The following CADPS variants were observed in gnomAD, a reference collection of about 807,000 sequenced individuals.
CADPS encodes calcium-dependent secretion activator 1.
CADPS carries 57 observed loss-of-function variants against 167.3 expected under a neutral mutation model. The observed-to-expected ratio is 0.34, with a 90% CI of 0.28 to 0.42. The LOEUF is 0.42. Among genes scored for constraint, CADPS ranks in the 20% least tolerant of loss-of-function variants. The probability of loss-of-function intolerance (pLI) is 1.00; values close to 1 mark genes in which losing one functional copy is unlikely to be tolerated. For synonymous variants in CADPS, 676 were observed against 635.3 expected (o/e 1.06, Z -0.96); for missense variants, 1,414 against 1,738.1 (o/e 0.81, Z 3.32).
chr3:62,627,004 C>T (rs2064212443), intron 6 of CADPS, among the ~76,000 whole-genome samples: 1 of 152,050 alleles, frequency 6.6e-6, no homozygotes, highest in Non-Finnish European at 1.5e-5. Flanking sequence ...TAATTCTTTT[C>T]AAAGCCATAT....
intron 3 of CADPS, among the ~76,000 whole-genome samples, chr3:62,713,101 T>G (rs896146528): frequency 4.6e-5 from 7 of 152,230 alleles, no homozygotes; most frequent in Non-Finnish European, 8.8e-5. Flanking sequence ...CTGACTACAA[T>G]TTGCTGAGCT....
At chr3:62,717,763 C>T (rs1325113417) in intron 3 of CADPS, among the ~76,000 whole-genome samples, 1 of 152,158 alleles carries the variant, frequency 6.6e-6, no homozygotes, top group Admixed American at 6.5e-5. Context: ...TAAATGAAAT[C>T]CTATTACCAT....
At chr3:62,474,880 G>A (rs1356339065) in intron 23 of CADPS, among the ~76,000 whole-genome samples, 7 of 151,998 alleles carry the variant, frequency 4.6e-5, no homozygotes, top group Non-Finnish European at 8.8e-5. Flanking sequence ...AATTTATTTT[G>A]CTTGTTAAAG....
At chr3:62,816,914 C>A (rs575956454) in intron 1 of CADPS, among the ~76,000 whole-genome samples, 2 of 152,110 alleles carry the variant, frequency 1.3e-5, no homozygotes, top group African/African-American at 2.4e-5. Flanking sequence ...CCTCCTCCTC[C>A]TCATCAAAAT....
Position 62,645,748 on chromosome 3 carries a change from A to G in CADPS, c.1299T>C (p.Thr433=), listed in dbSNP as rs1266731534. 1 of 1,614,052 alleles carries G rather than the reference A, an allele frequency of 6.2e-7. No individual in the cohort carries two copies. Among genetic ancestry groups the G allele is most frequent in the Non-Finnish European group, 8.5e-7 (1 of 1,179,992 alleles). Residue 433 remains threonine (T), a synonymous_variant, in exon 6 of 30, where the codon ACT becomes ACC. Coordinates refer to ENST00000383710, the MANE Select transcript of CADPS (RefSeq NM_003716.4). ...MEVEGGEKLQ[T]DQAEASKPTW... The stretch of plus-strand genomic sequence containing the variant: ...TTGGTTTAGAAGCCTCGGCCTGATC[A>G]GTCTGTAGTTTCTCTCCTCCTTCCA...
At chr3:62,540,069 C>A (rs2075431623) in intron 11 of CADPS, among the ~76,000 whole-genome samples, 1 of 152,146 alleles carries the variant, frequency 6.6e-6, no homozygotes, top group Non-Finnish European at 1.5e-5. Context: ...TAAACATTAG[C>A]TAGGAGTAAA....
intron 1 of CADPS, among the ~76,000 whole-genome samples, chr3:62,870,516 A>G (rs1214736596): frequency 6.6e-6 from 1 of 152,174 alleles, no homozygotes; most frequent in Admixed American, 6.6e-5. Context: ...ATGACTCAAC[A>G]TTAGCCATCA....
chr3:62,451,979 G>T (rs1333968458), intron 26 of CADPS, among the ~76,000 whole-genome samples: 1 of 152,100 alleles, frequency 6.6e-6, no homozygotes, highest in Non-Finnish European at 1.5e-5. Flanking sequence ...CTCATATCTA[G>T]AATGTAGGTG....
chr3:62,480,713 G>A (rs1576602918), intron 22 of CADPS, among the ~76,000 whole-genome samples: 1 of 152,198 alleles, frequency 6.6e-6, no homozygotes, highest in East Asian at 1.9e-4. Flanking sequence ...TTGAAAACGT[G>A]CCAATTTATT....
chr3:62,706,976 C>T (rs895256433), intron 3 of CADPS, among the ~76,000 whole-genome samples: 2 of 152,116 alleles, frequency 1.3e-5, no homozygotes, highest in Non-Finnish European at 2.9e-5. Context: ...AACTGCATTT[C>T]TACCCCTTAC....
At chr3:62,453,314 G>A (rs2058302378) in intron 26 of CADPS, among the ~76,000 whole-genome samples, 1 of 151,974 alleles carries the variant, frequency 6.6e-6, no homozygotes, top group Non-Finnish European at 1.5e-5. Flanking sequence ...TTAGCCATGT[G>A]CCGATATGAC....
intron 3 of CADPS, among the ~76,000 whole-genome samples, chr3:62,735,105 C>CA (rs909435343): frequency 9.2e-5 from 14 of 151,554 alleles, no homozygotes; most frequent in Admixed American, 6.6e-4. Flanking sequence ...TTTGTAATAG[C>CA]AAAAAAATAC....
At chr3:62,422,167 C>T (rs1441156931) in intron 28 of CADPS, among the ~76,000 whole-genome samples, 3 of 152,162 alleles carry the variant, frequency 2.0e-5, no homozygotes, top group Non-Finnish European at 4.4e-5. Flanking sequence ...AATTCCCTCA[C>T]GTCCACATCC....
At position 62,546,431 on chromosome 3, in the gene CADPS, C is replaced by T. The variant is rs1043392134; in HGVS notation, c.1966+3472G>A. On this transcript the variant is annotated intron_variant, in intron 11 of 29. Coordinates refer to ENST00000383710, the MANE Select transcript of CADPS (RefSeq NM_003716.4). Reference sequence around the variant, plus strand: ...TGACTTGGTCACGGTAAGTATGAATCAACACTGTGGGTTTGACTGAGTTAC... The same window carrying T: ...TGACTTGGTCACGGTAAGTATGAATTAACACTGTGGGTTTGACTGAGTTAC... 9.2e-5 allele frequency among the ~76,000 whole-genome samples: 14 copies of T among 152,088 alleles called. No individual in the cohort carries two copies. The East Asian group carries it at 9.6e-4, about 10-fold the overall frequency.
intron 21 of CADPS, among the ~76,000 whole-genome samples, chr3:62,486,094 T>A (rs1329828410): frequency 6.6e-6 from 1 of 152,214 alleles, no homozygotes. Context: ...TTACTTCACA[T>A]GTATCTTATG....
rs968647783 is a variant in CADPS at position 62,412,985 on chromosome 3, C to T, written c.3778-9800G>A. On this transcript the variant is annotated intron_variant, in intron 28 of 29. Coordinates refer to ENST00000383710, the MANE Select transcript of CADPS (RefSeq NM_003716.4). The surrounding 1 kb of genome is among the most constrained non-coding windows in gnomAD (Gnocchi z 4.1). ...TACCCAATCCCACTTTTCAATATGG[C>T]GGGTGGTCATCAGTGAGGAGGTGTG... 7.9e-5 allele frequency among the ~76,000 whole-genome samples: 12 copies of T among 152,068 alleles called. No individual in the cohort carries two copies. The East Asian group carries it at 9.6e-4, about 12-fold the overall frequency.
chr3:62,493,513 A>G (rs1027714592), intron 19 of CADPS, 132 bp downstream of exon 19: 1 of 611,464 alleles, frequency 1.6e-6, no homozygotes, highest in East Asian at 3.1e-5. Context: ...GAAAAATTCC[A>G]TAAATGAAAG....
At chr3:62,681,012 C>A (rs1459291882) in intron 3 of CADPS, among the ~76,000 whole-genome samples, 1 of 152,004 alleles carries the variant, frequency 6.6e-6, no homozygotes, top group Admixed American at 6.6e-5. Context: ...TCCCTGTGAT[C>A]CTGCTGAATT....
chr3:62,820,394 A>G (rs891794055), intron 1 of CADPS, among the ~76,000 whole-genome samples: 8 of 152,202 alleles, frequency 5.3e-5, no homozygotes, highest in Non-Finnish European at 8.8e-5. Context: ...CTCCAGATTC[A>G]TGGTACATGA....
Sources: allele counts gnomAD v4.1 joint callset (sites outside exome capture counted in the v4.1 genomes callset), GRCh38; gene constraint gnomAD v4.1.1; non-coding constraint Gnocchi (gnomAD v3.1); transcripts MANE v1.5; gene names NCBI Gene and HGNC (gene_info 2026-07-23, HGNC 2026-07-21).